PREX2: variants seen among roughly 807,000 people sequenced by gnomAD.
PREX2 encodes the protein phosphatidylinositol-3,4,5-trisphosphate dependent Rac exchange factor 2.
A neutral mutation model predicts 203.2 loss-of-function variants in PREX2; 107 were observed. The observed-to-expected ratio is 0.53, with a 90% CI of 0.45 to 0.62. The LOEUF (loss-of-function observed/expected upper bound fraction) is 0.62. Among genes scored for constraint, PREX2 ranks in the 20% least tolerant of loss-of-function variants. The probability of loss-of-function intolerance (pLI) is 0.00; values close to 1 mark genes in which losing one functional copy is unlikely to be tolerated. For missense variants in PREX2, 1,777 were observed against 1,955.9 expected (o/e 0.91, Z 1.72); for synonymous variants, 672 against 663.6 (o/e 1.01, Z -0.19).
At position 68,156,911 on chromosome 8, in the gene PREX2, G is replaced by A. The variant is rs974792600; in HGVS notation, c.4232-411G>A. Among the ~76,000 whole-genome samples, 6 of 152,200 alleles carry A rather than the reference G, an allele frequency of 3.9e-5. 1 individual carries two copies. Among genetic ancestry groups the A allele is most frequent in the East Asian group, 1.9e-4 (1 of 5,172 alleles). On this transcript the variant is annotated intron_variant, in intron 34 of 39. Transcript: ENST00000288368. ...CCTTATCAAAGGGAAACTTCTACTCGGTTTTCAGAGTTTCTCCTGTGTCTG... is the reference window on the plus strand; with the variant it reads ...CCTTATCAAAGGGAAACTTCTACTCAGTTTTCAGAGTTTCTCCTGTGTCTG...
At chr8:67,961,799 T>C (rs948072858) in intron 1 of PREX2, among the ~76,000 whole-genome samples, 1 of 152,232 alleles carries the variant, frequency 6.6e-6, no homozygotes, top group African/African-American at 2.4e-5. Context: ...ATTTGTTGTA[T>C]AGCCTTACAT....
intron 25 of PREX2, among the ~76,000 whole-genome samples, chr8:68,113,639 T>C (rs1396730096): frequency 7.2e-5 from 11 of 152,230 alleles, no homozygotes; most frequent in African/African-American, 2.2e-4. Context: ...ACCTATAAAA[T>C]GTCAAAATAT....
At chr8:68,176,952 A>G (rs1408060537) in intron 35 of PREX2, 5 of 152,128 alleles carry the variant, frequency 3.3e-5, no homozygotes, top group African/African-American at 7.2e-5. Flanking sequence ...CATTATAAAG[A>G]TAGAGACAAT....
At chr8:68,112,003 G>A (rs961016308) in intron 25 of PREX2, among the ~76,000 whole-genome samples, 3 of 152,062 alleles carry the variant, frequency 2.0e-5, no homozygotes, top group Non-Finnish European at 4.4e-5. Flanking sequence ...AAAGGTCCTG[G>A]GGTTGAGCTT....
intron 35 of PREX2, among the ~76,000 whole-genome samples, chr8:68,184,807 T>C (rs1383663183): frequency 1.3e-5 from 2 of 152,214 alleles, no homozygotes; most frequent in African/African-American, 4.8e-5. Context: ...TGATTTAACC[T>C]CTGTATATTT....
intron 30 of PREX2, among the ~76,000 whole-genome samples, chr8:68,125,791 GT>G (rs146079669): frequency 6.6e-6 from 1 of 152,008 alleles, no homozygotes; most frequent in African/African-American, 2.4e-5. Context: ...ATTTTAGAAA[GT>G]TTTTTCCCTG....
At chr8:68,195,501 G>A (rs558532057) in intron 37 of PREX2, among the ~76,000 whole-genome samples, 1 of 152,260 alleles carries the variant, frequency 6.6e-6, no homozygotes, top group South Asian at 2.1e-4. Flanking sequence ...TTTCAGTGAA[G>A]GCTATGCTTA....
chr8:68,176,868 G>C (rs897539870), intron 35 of PREX2: 1 of 152,078 alleles, frequency 6.6e-6, no homozygotes, highest in Non-Finnish European at 1.5e-5. Flanking sequence ...AAATGCAACT[G>C]GAAGAGCCTT....
intron 39 of PREX2, among the ~76,000 whole-genome samples, chr8:68,228,387 C>T (rs967331709): frequency 9.9e-5 from 15 of 151,990 alleles, no homozygotes; most frequent in Non-Finnish European, 1.5e-5. Context: ...CTTTGGGAGG[C>T]TGAGGTGAGA....
chr8:68,041,962 C>G (rs572275636), intron 7 of PREX2, among the ~76,000 whole-genome samples: 2 of 152,042 alleles, frequency 1.3e-5, no homozygotes, highest in Non-Finnish European at 2.9e-5. Context: ...AGCAAATGCC[C>G]TTAATGAATG....
intron 35 of PREX2, among the ~76,000 whole-genome samples, chr8:68,157,711 C>T (rs1489214359): frequency 6.6e-6 from 1 of 151,522 alleles, no homozygotes; most frequent in Non-Finnish European, 1.5e-5. Flanking sequence ...AGACCGTTTC[C>T]AAGAAAGAAA....
At chr8:67,978,206 T>TC (rs1394649422) in intron 1 of PREX2, among the ~76,000 whole-genome samples, 4 of 152,092 alleles carry the variant, frequency 2.6e-5, no homozygotes, top group African/African-American at 7.2e-5. Flanking sequence ...CCCCCTCCTC[T>TC]CCCCCCGCAC....
At chr8:68,001,888 T>C (rs1274987780) in intron 1 of PREX2, among the ~76,000 whole-genome samples, 1 of 152,002 alleles carries the variant, frequency 6.6e-6, no homozygotes, top group Non-Finnish European at 1.5e-5. Context: ...GGGAGCTAAA[T>C]GATGAGAACA....
At chr8:68,070,490 T>C (rs1338021112) in intron 13 of PREX2, among the ~76,000 whole-genome samples, 1 of 152,002 alleles carries the variant, frequency 6.6e-6, no homozygotes, top group African/African-American at 2.4e-5. Context: ...ATAGAAAACT[T>C]TGAGGTTTGT....
intron 35 of PREX2, among the ~76,000 whole-genome samples, chr8:68,161,773 T>C (rs2129614015): frequency 6.6e-6 from 1 of 152,332 alleles, no homozygotes; most frequent in Non-Finnish European, 1.5e-5. Flanking sequence ...TATAGACATG[T>C]TTCTCTTATA....
chr8:68,174,069 A>T (rs1434647554), intron 35 of PREX2, among the ~76,000 whole-genome samples: 1 of 152,228 alleles, frequency 6.6e-6, no homozygotes, highest in African/African-American at 2.4e-5. Context: ...AAGGCATCTT[A>T]GTCAAGCTCC....
chr8:68,203,458 A>G (rs1563586179), intron 37 of PREX2, among the ~76,000 whole-genome samples: 1 of 152,190 alleles, frequency 6.6e-6, no homozygotes, highest in Non-Finnish European at 1.5e-5. Context: ...AGGCTATGGA[A>G]AAACAAATGT....
intron 6 of PREX2, among the ~76,000 whole-genome samples, chr8:68,031,453 A>G (rs1163296086): frequency 6.6e-6 from 1 of 152,188 alleles, no homozygotes; most frequent in East Asian, 1.9e-4. Flanking sequence ...TATCACATAA[A>G]ACCAAGTGGA....
intron 1 of PREX2, among the ~76,000 whole-genome samples, chr8:67,970,962 G>C (rs1177443235): frequency 6.6e-6 from 1 of 152,158 alleles, no homozygotes; most frequent in Non-Finnish European, 1.5e-5. Flanking sequence ...CTTTTGGCTA[G>C]ATTTTACTTT....
Sources: gnomAD v4.1 joint callset for allele counts (sites outside exome capture counted in the v4.1 genomes callset) on GRCh38, gnomAD v4.1.1 for gene constraint, MANE v1.5 for transcripts, NCBI Gene and HGNC (gene_info 2026-07-23, HGNC 2026-07-21) for gene names.